Variants in SP100 observed in about 807,000 individuals in gnomAD.
SP100 encodes nuclear autoantigen Sp-100.
Under a neutral mutation model 130.0 loss-of-function variants are expected in SP100, and 84 were observed. The observed-to-expected ratio is 0.65, with a 90% CI of 0.54 to 0.77. The LOEUF (loss-of-function observed/expected upper bound fraction) is 0.77, where lower values mean the gene tolerates loss of function less well. Ranked by LOEUF, SP100 falls within the 30% of genes least tolerant of loss-of-function variation. The pLI, the probability that SP100 is intolerant of heterozygous loss-of-function variation, is 0.00. For missense variants in SP100, 978 were observed against 1,052.2 expected (o/e 0.93, Z 0.97); for synonymous variants, 331 against 351.7 (o/e 0.94, Z 0.66).
chr2:230,503,168 G>A (rs1028743567), intron 20 of SP100, 58 bp downstream of exon 20: 7 of 1,246,688 alleles, frequency 5.6e-6, no homozygotes, highest in Non-Finnish European at 8.0e-6. Context: ...TTAATATTCT[G>A]TACTGTGAGT....
chr2:230,434,713 G>T (rs1052587246), intron 2 of SP100, among the ~76,000 whole-genome samples: 2 of 152,102 alleles, frequency 1.3e-5, no homozygotes, highest in East Asian at 3.8e-4. Context: ...GAAGGTGATA[G>T]TGAAGCAAGG....
Position 230,473,425 on chromosome 2 carries a change from G to T in SP100, c.1531G>T (p.Ala511Ser). Residue 511 changes from alanine (A) to serine (S), a missense_variant, in exon 16 of 29, where the codon GCA becomes TCA. Coordinates refer to ENST00000340126, the MANE Select transcript of SP100 (RefSeq NM_001080391.2). ...SQEARTESSQASDMMDTMDVE... is the reference protein window; with the variant it reads ...SQEARTESSQSSDMMDTMDVE... ...AGAAGCAAGGACTGAAAGTAGTCAAGCATCTGACATGATGGGTAAGGCTAC... is the reference window on the plus strand; with the variant it reads ...AGAAGCAAGGACTGAAAGTAGTCAATCATCTGACATGATGGGTAAGGCTAC... The T allele has an allele frequency of 6.2e-7, 1 of 1,610,844 alleles. No individual in the cohort carries two copies. Among genetic ancestry groups the T allele is most frequent in the Non-Finnish European group, 8.5e-7 (1 of 1,177,054 alleles).
chr2:230,502,479 C>T (rs1475756153), intron 19 of SP100, among the ~76,000 whole-genome samples: 1 of 152,088 alleles, frequency 6.6e-6, no homozygotes, highest in Non-Finnish European at 1.5e-5. Context: ...CATCAGTTTC[C>T]TCATCTGTAA....
chr2:230,452,326 C>T (rs536702086), intron 8 of SP100, among the ~76,000 whole-genome samples: 8 of 152,130 alleles, frequency 5.3e-5, no homozygotes, highest in East Asian at 3.9e-4. Context: ...TACAGGCATA[C>T]TCCACCACGC....
chr2:230,466,365 G>A lies in SP100; in HGVS notation c.1195+11G>A, dbSNP rs1224984349. The A allele has an allele frequency of 7.0e-7, 1 of 1,435,792 alleles. No individual in the cohort carries two copies. Among genetic ancestry groups the A allele is most frequent in the South Asian group, 1.2e-5 (1 of 86,152 alleles). 88.9% of individuals were successfully genotyped at this position (1,435,792 alleles called of 1,614,324 possible). The stretch of plus-strand genomic sequence containing the variant: ...GTTTTAAGAAAAGAGGTAAGAGAAA[G>A]CTTTAGGAAAAGAGGTAAGAGAAAA... On this transcript the variant is annotated intron_variant, in intron 12 of 28. Coordinates refer to ENST00000340126, the MANE Select transcript of SP100 (RefSeq NM_001080391.2).
intron 2 of SP100, among the ~76,000 whole-genome samples, chr2:230,438,684 C>CACAT (rs1352076943): frequency 3.3e-5 from 5 of 150,480 alleles, no homozygotes; most frequent in Non-Finnish European, 7.4e-5. Flanking sequence ...CACACACACA[C>CACAT]ACATATGGTA....
intron 24 of SP100, among the ~76,000 whole-genome samples, chr2:230,522,879 A>G (rs1426854475): frequency 6.6e-6 from 1 of 151,554 alleles, no homozygotes; most frequent in Non-Finnish European, 1.5e-5. Flanking sequence ...CAGTGGTGCC[A>G]TTTCAGCTCA....
At chr2:230,430,653 G>C (rs1453725469) in intron 2 of SP100, among the ~76,000 whole-genome samples, 1 of 152,222 alleles carries the variant, frequency 6.6e-6, no homozygotes, top group East Asian at 1.9e-4. Flanking sequence ...TGAGTGATTG[G>C]GTAGGACCAC....
intron 20 of SP100, 39 bp downstream of exon 20, chr2:230,503,149 A>T (rs368827137): frequency 4.4e-6 from 6 of 1,370,500 alleles, no homozygotes; most frequent in Non-Finnish European, 6.2e-6. Context: ...ATAATTAAAC[A>T]TTTAATATTT....
intron 2 of SP100, among the ~76,000 whole-genome samples, chr2:230,437,552 TTTTTG>T (rs780277422): frequency 3.3e-5 from 5 of 152,122 alleles, no homozygotes; most frequent in Admixed American, 6.5e-5. Flanking sequence ...TTCTTTGTTT[TTTTTG>T]TTTTGTTTTG....
chr2:230,476,483 TA>T (rs1199745544), intron 17 of SP100, among the ~76,000 whole-genome samples: 6 of 152,232 alleles, frequency 3.9e-5, no homozygotes, highest in South Asian at 2.1e-4. Context: ...AGTAGCCATT[TA>T]TTTTTTTCAA....
chr2:230,512,498 C>T (rs1690674370), intron 24 of SP100, among the ~76,000 whole-genome samples: 1 of 151,510 alleles, frequency 6.6e-6, no homozygotes, highest in African/African-American at 2.4e-5. Context: ...TCATGCTGAT[C>T]AGGCTGGTCT....
intron 14 of SP100, 114 bp from the exon 15 acceptor site, chr2:230,469,901 T>A: frequency 6.6e-7 from 1 of 1,508,866 alleles, no homozygotes; most frequent in Non-Finnish European, 8.9e-7. Flanking sequence ...GTGGTGGGAC[T>A]ATTTCTCCCC....
intron 2 of SP100, among the ~76,000 whole-genome samples, chr2:230,420,147 A>C (rs1005365404): frequency 1.3e-5 from 2 of 152,198 alleles, no homozygotes; most frequent in Non-Finnish European, 2.9e-5. Flanking sequence ...TTAAAATTGT[A>C]TTTGTAAACA....
intron 24 of SP100, among the ~76,000 whole-genome samples, chr2:230,524,367 AAAAAGAAAAAG>A (rs1299325149): frequency 2.7e-4 from 40 of 149,604 alleles, no homozygotes; most frequent in African/African-American, 9.5e-4. Flanking sequence ...AAAAAAAAAA[AAAAAGAAAAAG>A]AAAAGAAAAG....
At chr2:230,515,370 A>T in intron 24 of SP100, 2 of 1,613,904 alleles carry the variant, frequency 1.2e-6, no homozygotes, top group South Asian at 1.1e-5. Context: ...TCAAAGGAGA[A>T]CATCCTGGCC....
intron 2 of SP100, among the ~76,000 whole-genome samples, chr2:230,425,884 G>C (rs545104914): frequency 1.2e-3 from 175 of 151,714 alleles, no homozygotes; most frequent in Non-Finnish European, 2.1e-3. Flanking sequence ...ATAGCCAACT[G>C]GTTTTTCTTT....
intron 24 of SP100, among the ~76,000 whole-genome samples, chr2:230,521,964 G>T (rs1454151964): frequency 3.3e-5 from 5 of 152,202 alleles, no homozygotes; most frequent in Admixed American, 2.0e-4. Context: ...TCCATTTGCA[G>T]GTTGAAAAAA....
At chr2:230,508,058 T>C (rs1690255524) in intron 23 of SP100, 27 bp downstream of exon 23, 1 of 1,612,828 alleles carries the variant, frequency 6.2e-7, no homozygotes, top group Non-Finnish European at 8.5e-7. Context: ...CTTCTGCCAA[T>C]GTCTCGTCTA....
Sources: allele counts gnomAD v4.1 joint callset (sites outside exome capture counted in the v4.1 genomes callset), GRCh38; gene constraint gnomAD v4.1.1; transcripts MANE v1.5; gene names NCBI Gene and HGNC (gene_info 2026-07-23, HGNC 2026-07-21).